The following PLXDC2 variants were observed in gnomAD, a reference collection of about 807,000 sequenced individuals.
The protein encoded by PLXDC2 is plexin domain containing 2, also known as plexin domain-containing protein 2.
In PLXDC2, 40 loss-of-function variants were observed where a neutral mutation model predicts 68.9. That is an observed-to-expected ratio of 0.58 (90% confidence interval 0.45 to 0.76). The LOEUF is 0.76. PLXDC2 is among the 30% of genes least tolerant of loss of function. The pLI, the probability that PLXDC2 is intolerant of heterozygous loss-of-function variation, is 0.00. For synonymous variants in PLXDC2, 243 were observed against 234.2 expected (o/e 1.04, Z -0.34); for missense variants, 644 against 661.9 (o/e 0.97, Z 0.30).
At chr10:20,155,954 G>A (rs150303708) in intron 6 of PLXDC2, among the ~76,000 whole-genome samples, 1,861 of 152,002 alleles carry the variant, frequency 0.012, 47 homozygotes, top group African/African-American at 0.043. Context: ...ATCTCAGCTC[G>A]CTGCAACCTC....
chr10:19,841,537 G>GTT (rs34818991), intron 1 of PLXDC2, among the ~76,000 whole-genome samples: 64 of 127,166 alleles, frequency 5.0e-4, no homozygotes, highest in African/African-American at 1.7e-3. Context: ...GTGTTTCAGG[G>GTT]TTTTTTTTTT....
intron 2 of PLXDC2, among the ~76,000 whole-genome samples, chr10:20,017,258 G>A (rs1024238129): frequency 6.6e-6 from 1 of 152,148 alleles, no homozygotes; most frequent in Non-Finnish European, 1.5e-5. Flanking sequence ...TTCTAGGGGG[G>A]CAGGGGCCAC....
chr10:19,838,784 A>G (rs1054032486), intron 1 of PLXDC2, among the ~76,000 whole-genome samples: 1 of 152,220 alleles, frequency 6.6e-6, no homozygotes, highest in Non-Finnish European at 1.5e-5. Context: ...CTGGTTGATT[A>G]GAAAAGTGGT....
intron 1 of PLXDC2, among the ~76,000 whole-genome samples, chr10:19,872,774 G>C (rs941365022): frequency 6.6e-6 from 1 of 151,972 alleles, no homozygotes. Context: ...CTGGCAAAGA[G>C]GGCTATGATC....
chr10:19,892,866 C>A (rs1837988961), intron 1 of PLXDC2, among the ~76,000 whole-genome samples: 1 of 151,384 alleles, frequency 6.6e-6, no homozygotes, highest in Non-Finnish European at 1.5e-5. Context: ...AGCTAAGACC[C>A]AATCAGACAG....
chr10:20,253,776 C>T (rs1034839898), intron 13 of PLXDC2, among the ~76,000 whole-genome samples: 4 of 152,014 alleles, frequency 2.6e-5, no homozygotes, highest in African/African-American at 9.7e-5. Context: ...CTCTTTAATA[C>T]AGACACATGT....
chr10:19,898,569 A>G (rs369307231), intron 1 of PLXDC2, among the ~76,000 whole-genome samples: 4 of 152,292 alleles, frequency 2.6e-5, no homozygotes, highest in East Asian at 3.9e-4. Flanking sequence ...TAACAGCAAC[A>G]GCAAACTTTA....
At chr10:20,023,151 A>G (rs1272895935) in intron 2 of PLXDC2, among the ~76,000 whole-genome samples, 1 of 149,638 alleles carries the variant, frequency 6.7e-6, no homozygotes, top group Non-Finnish European at 1.5e-5. Context: ...ATGTTTATAT[A>G]TATATATTAT....
At chr10:20,215,017 A>G (rs11011876) in intron 10 of PLXDC2, among the ~76,000 whole-genome samples, 38,357 of 152,108 alleles carry the variant, frequency 0.25, 7,291 homozygotes, top group African/African-American at 0.52. Context: ...CAACATAAAG[A>G]TGTTCATTGC....
chr10:20,246,594 C>G (rs1180805639), intron 13 of PLXDC2, among the ~76,000 whole-genome samples: 1 of 152,220 alleles, frequency 6.6e-6, no homozygotes, highest in East Asian at 1.9e-4. Flanking sequence ...AAGTGATCCT[C>G]CCGCCTTGGC....
intron 4 of PLXDC2, among the ~76,000 whole-genome samples, chr10:20,072,657 G>T (rs570270071): frequency 6.6e-6 from 1 of 152,158 alleles, no homozygotes; most frequent in Non-Finnish European, 1.5e-5. Flanking sequence ...TAGGGTGAAG[G>T]GGGTGAAGGC....
chr10:19,989,100 T>C lies in PLXDC2; in HGVS notation c.113-12675T>C, dbSNP rs1834701986. Among the ~76,000 whole-genome samples, 3 of 152,082 alleles carry C rather than the reference T, an allele frequency of 2.0e-5. No individual in the cohort carries two copies. In the South Asian group the frequency reaches 6.2e-4, roughly 31 times the overall value. On this transcript the variant is annotated intron_variant, in intron 1 of 13. Transcript: ENST00000377252. ...CAGGCATGAGCCACCGCACCTGGCC[T>C]AATACCACATTTAGGTGACTAACAA...
At position 19,835,207 on chromosome 10, in the gene PLXDC2, A is replaced by G. The variant is rs556028936; in HGVS notation, c.112+18016A>G. On this transcript the variant is annotated intron_variant, in intron 1 of 13. Coordinates refer to ENST00000377252, the MANE Select transcript of PLXDC2 (RefSeq NM_032812.9). ...AGTTGGCCCAAAGTGCTGAAATTTC[A>G]GACTTGAGCCACCGCACCCAGACAG... Among the ~76,000 whole-genome samples, 5 of 152,304 alleles carry G rather than the reference A, an allele frequency of 3.3e-5. No homozygotes were observed. The South Asian group carries it at 8.3e-4, about 25-fold the overall frequency.
At chr10:20,020,883 C>T (rs1589590556) in intron 2 of PLXDC2, among the ~76,000 whole-genome samples, 1 of 152,040 alleles carries the variant, frequency 6.6e-6, no homozygotes, top group Non-Finnish European at 1.5e-5. Flanking sequence ...AGCTCTGACC[C>T]AGGTAAAAGA....
rs140001660 is a variant in PLXDC2, at chr10:20,263,255, G to C, written c.1474-16448G>C. ...CAAAGCTGATAAAAATAAACAATGG[G>C]GAAAAGACTCCCTATTCAATAAATG... is the stretch of plus-strand genomic sequence containing the variant. On this transcript the variant is annotated intron_variant, in intron 13 of 13. Transcript: ENST00000377252. Among the ~76,000 whole-genome samples, 706 of 152,084 alleles carry C rather than the reference G, an allele frequency of 4.6e-3. 9 individuals carry two copies. The highest frequency in any genetic ancestry group is 0.014 in the African/African-American group (577 of 41,472).
intron 13 of PLXDC2, 55 bp from the exon 14 acceptor site, chr10:20,279,648 G>T (rs1445332251): frequency 2.2e-6 from 3 of 1,341,206 alleles, no homozygotes; most frequent in Non-Finnish European, 3.2e-6. Flanking sequence ...AGATTTTTCT[G>T]GTGCTAGAAT....
intron 9 of PLXDC2, 77 bp from the exon 10 acceptor site, chr10:20,211,592 C>A: frequency 3.0e-6 from 4 of 1,338,990 alleles, no homozygotes; most frequent in Non-Finnish European, 3.1e-6. Context: ...ACCTACTAAT[C>A]TTTTACTTTT....
intron 13 of PLXDC2, among the ~76,000 whole-genome samples, chr10:20,261,326 T>C (rs1349290945): frequency 2.0e-5 from 3 of 152,350 alleles, no homozygotes; most frequent in Admixed American, 2.0e-4. Flanking sequence ...GCTTCAGGTC[T>C]TGTATGTAGC....
At chr10:20,191,346 T>C (rs1206872241) in intron 9 of PLXDC2, among the ~76,000 whole-genome samples, 1 of 151,922 alleles carries the variant, frequency 6.6e-6, no homozygotes, top group African/African-American at 2.4e-5. Context: ...TCAATGACAC[T>C]TCACAGTCAA....
Sources: allele counts gnomAD v4.1 joint callset (sites outside exome capture counted in the v4.1 genomes callset), GRCh38; gene constraint gnomAD v4.1.1; transcripts MANE v1.5; gene names NCBI Gene and HGNC (gene_info 2026-07-23, HGNC 2026-07-21).